The following DLC1 variants were observed in gnomAD, a reference collection of about 807,000 sequenced individuals.
The protein encoded by DLC1 is rho GTPase-activating protein 7.
DLC1 carries 54 observed loss-of-function variants against 140.3 expected under a neutral mutation model. That is an observed-to-expected ratio of 0.38 (90% confidence interval 0.31 to 0.48). The LOEUF is 0.48. DLC1 is among the 20% of genes least tolerant of loss of function. The pLI is 0.96. For missense variants in DLC1, 2,536 were observed against 1,907.0 expected (o/e 1.33, Z -6.14); for synonymous variants, 986 against 728.1 (o/e 1.35, Z -5.70).
intron 2 of DLC1, among the ~76,000 whole-genome samples, chr8:13,498,264 A>C (rs1194368309): frequency 6.6e-6 from 1 of 152,182 alleles, no homozygotes; most frequent in Non-Finnish European, 1.5e-5. Flanking sequence ...AAATGTGGGG[A>C]AATTCTATAG....
At chr8:13,484,587 T>G (rs749932512) in intron 2 of DLC1, among the ~76,000 whole-genome samples, 5 of 152,146 alleles carry the variant, frequency 3.3e-5, no homozygotes, top group Middle Eastern at 3.2e-3. Context: ...ACACGAGTGA[T>G]GGCTATTGGT....
rs150789264 is a variant in DLC1 at position 13,200,220 on chromosome 8, T to A, written c.1349-84563A>T. On this transcript the variant is annotated intron_variant, in intron 5 of 17. Transcript: ENST00000276297. ...ACCACGCCCTGCAAATTTTTTCTAT[T>A]TTTTGTATATATATATTTTTTTTAG... is the stretch of plus-strand genomic sequence containing the variant. 4.9e-4 allele frequency among the ~76,000 whole-genome samples: 74 copies of A among 149,558 alleles called. 1 individual carries two copies. In the East Asian group the frequency reaches 0.013, roughly 26 times the overall value.
chr8:13,516,805 A>C (rs1420136862), upstream of DLC1, among the ~76,000 whole-genome samples: 4 of 152,128 alleles, frequency 2.6e-5, no homozygotes, highest in Non-Finnish European at 4.4e-5. Flanking sequence ...CTTTCCAACA[A>C]TTTTGCGTGT....
chr8:13,085,451 G>T lies in DLC1; in HGVS notation c.*360C>A, dbSNP rs975109788. On this transcript the variant is annotated 3_prime_UTR_variant, in exon 18 of 18. Transcript: ENST00000276297. ...GGATACACCAGTCCCTCAACACACT[G>T]CAAATAAAGCGACACAGGTACGCAT... 4 of 172,612 alleles carry T rather than the reference G, an allele frequency of 2.3e-5. No homozygotes were observed. The East Asian group carries it at 6.0e-4, about 26-fold the overall frequency. 10.7% of individuals were successfully genotyped at this position (172,612 alleles called of 1,614,324 possible).
intron 4 of DLC1, among the ~76,000 whole-genome samples, chr8:13,305,694 G>A (rs1046247303): frequency 6.6e-5 from 10 of 152,106 alleles, no homozygotes; most frequent in African/African-American, 2.4e-4. Flanking sequence ...AAAATTGGCT[G>A]GGCATGGTGG....
At chr8:13,496,822 A>G (rs1454254678) in intron 2 of DLC1, among the ~76,000 whole-genome samples, 1 of 81,678 alleles carries the variant, frequency 1.2e-5, no homozygotes, top group African/African-American at 5.0e-5. Flanking sequence ...TTTTTTTGAG[A>G]TGGAGTTTCG....
At chr8:13,332,707 C>T (rs1177950127) in intron 4 of DLC1, among the ~76,000 whole-genome samples, 1 of 152,092 alleles carries the variant, frequency 6.6e-6, no homozygotes, top group Non-Finnish European at 1.5e-5. Flanking sequence ...ACGTGAGCCA[C>T]CATGTCTGGC....
chr8:13,569,151 C>T (rs985827749), intron 1 of DLC1, among the ~76,000 whole-genome samples: 3 of 152,162 alleles, frequency 2.0e-5, no homozygotes, highest in Non-Finnish European at 4.4e-5. Flanking sequence ...AGATGGCATT[C>T]TGAGAAGCCA....
intron 10 of DLC1, 25 bp downstream of exon 10, chr8:13,098,374 G>C: frequency 6.2e-7 from 1 of 1,612,766 alleles, no homozygotes; most frequent in African/African-American, 1.3e-5. Context: ...TTCAACGACA[G>C]TTGACTGATC....
At chr8:13,519,467 T>C (rs1188470350), upstream of DLC1, among the ~76,000 whole-genome samples, 1 of 152,122 alleles carries the variant, frequency 6.6e-6, no homozygotes, top group Admixed American at 6.5e-5. Context: ...TGTAGACACA[T>C]CCAGACCAAG....
At chr8:13,481,859 G>A (rs1481692) in intron 2 of DLC1, among the ~76,000 whole-genome samples, 114,880 of 152,084 alleles carry the variant, frequency 0.76, 44,784 homozygotes, top group Middle Eastern at 0.89. Flanking sequence ...TCCTTAAAAA[G>A]GGGGAAATAT....
chr8:13,366,899 C>G (rs760793537), intron 4 of DLC1, among the ~76,000 whole-genome samples: 20 of 152,248 alleles, frequency 1.3e-4, no homozygotes, highest in Non-Finnish European at 2.5e-4. Context: ...TGTGGAATTG[C>G]TGGGCTCTTG....
rs1377225334 is a variant in DLC1, at chr8:13,097,273, A to ATTATTCTTATTT, written c.3167+1125_3167+1126insAAATAAGAATAA. Among the ~76,000 whole-genome samples the ATTATTCTTATTT allele has an allele frequency of 7.3e-3, 1,103 of 150,940 alleles. 15 individuals are homozygous for ATTATTCTTATTT. The highest frequency in any genetic ancestry group is 0.025 in the African/African-American group (1,046 of 41,198). ...ATTTATTATTATTATTATTATTATT[A>ATTATTCTTATTT]TTTTTTGAGATAGAGTCTTACTCTG... On this transcript the variant is annotated intron_variant, in intron 10 of 17. Transcript: ENST00000276297.
At chr8:13,508,162 T>A (rs969980042) in intron 1 of DLC1, among the ~76,000 whole-genome samples, 8 of 152,202 alleles carry the variant, frequency 5.3e-5, no homozygotes, top group African/African-American at 1.9e-4. Flanking sequence ...TCCAGTAGTG[T>A]CTAATTTTCT....
intron 2 of DLC1, among the ~76,000 whole-genome samples, chr8:13,430,963 T>C (rs1461712335): frequency 1.3e-5 from 2 of 152,208 alleles, no homozygotes; most frequent in East Asian, 1.9e-4. Context: ...TGAAGTCGCA[T>C]GAAACATATT....
intron 5 of DLC1, among the ~76,000 whole-genome samples, chr8:13,218,382 A>C (rs1323632121): frequency 2.0e-5 from 3 of 152,228 alleles, no homozygotes; most frequent in Non-Finnish European, 4.4e-5. Context: ...AAGAAGGATA[A>C]GCTGGACTTC....
chr8:13,292,814 C>T (rs1413263250), intron 5 of DLC1, among the ~76,000 whole-genome samples: 2 of 151,778 alleles, frequency 1.3e-5, no homozygotes, highest in Admixed American at 1.3e-4. Flanking sequence ...TTTTTATATG[C>T]TTTTTTAAAT....
intron 1 of DLC1, chr8:13,557,806 A>G (rs550074378): frequency 1.3e-5 from 2 of 152,302 alleles, no homozygotes; most frequent in East Asian, 1.9e-4. Flanking sequence ...ACAAGCTAAA[A>G]TAATAGGTGT....
chr8:13,476,200 C>T (rs1365860312), intron 2 of DLC1, among the ~76,000 whole-genome samples: 3 of 152,186 alleles, frequency 2.0e-5, no homozygotes, highest in Admixed American at 2.0e-4. Context: ...TAGCATCACT[C>T]ATTGCTTTAT....
Sources: allele counts gnomAD v4.1 joint callset (sites outside exome capture counted in the v4.1 genomes callset), GRCh38; gene constraint gnomAD v4.1.1; transcripts MANE v1.5; gene names NCBI Gene and HGNC (gene_info 2026-07-23, HGNC 2026-07-21).